Variants in CRYAB observed in about 807,000 individuals in gnomAD.
The protein encoded by CRYAB is crystallin alpha B, also known as alpha-crystallin B chain.
Under a neutral mutation model 12.7 loss-of-function variants are expected in CRYAB, and 9 were observed. That is an observed-to-expected ratio of 0.71 (90% CI 0.43 to 1.24). CRYAB has a LOEUF of 1.24. Ranked by LOEUF, CRYAB falls within the 50% of genes most tolerant of loss-of-function variation. The pLI, the probability that CRYAB is intolerant of heterozygous loss-of-function variation, is 0.00. For missense variants in CRYAB, 183 were observed against 226.6 expected (o/e 0.81, Z 1.24); for synonymous variants, 93 against 86.8 (o/e 1.07, Z -0.40).
upstream of CRYAB, chr11:111,913,728 G>C: frequency 6.2e-7 from 1 of 1,613,992 alleles, no homozygotes; most frequent in Non-Finnish European, 8.5e-7. Context: ...TGCTGATGTC[G>C]ACCCCTGGCG....
intron 1 of CRYAB, among the ~76,000 whole-genome samples, chr11:111,920,080 A>C (rs1210494262): frequency 4.6e-5 from 7 of 152,062 alleles, no homozygotes; most frequent in Non-Finnish European, 1.0e-4. Context: ...CTGTAGTCCC[A>C]GCTACTCGGG....
In CRYAB at chr11:111,911,623, C is replaced by A. The variant is rs886047688; in HGVS notation, c.102G>T (p.Glu34Asp). 6 of 1,612,626 alleles carry A rather than the reference C, an allele frequency of 3.7e-6. No homozygotes were observed. The highest frequency in any genetic ancestry group is 5.1e-6 in the Non-Finnish European group (6 of 1,179,550). The change falls in exon 1 of 3, where the codon GAG becomes GAT. Residue 34 changes from glutamate to aspartate, a missense_variant. Transcript: ENST00000650687. The part of the protein sequence containing the change: ...FDQFFGEHLL[E>D]SDLFPTSTSL... ...AAGTAGACGTCGGGAAAAGATCAGA[C>A]TCCAACAGGTGCTCTCCGAAGAACT...
intron 1 of CRYAB, chr11:111,918,889 C>T (rs1356249565): frequency 3.3e-6 from 5 of 1,532,998 alleles, no homozygotes; most frequent in African/African-American, 2.7e-5. Context: ...CGGGAGCTGC[C>T]GCGGAAAGCT....
chr11:111,912,548 C>T (rs966218425), upstream of CRYAB: 1 of 508,612 alleles, frequency 2.0e-6, no homozygotes, highest in Non-Finnish European at 3.6e-6. Context: ...CAGCTCGTTC[C>T]CAGCCAGGAC....
chr11:111,913,840 T>C, upstream of CRYAB: 1 of 1,613,852 alleles, frequency 6.2e-7, no homozygotes, highest in Non-Finnish European at 8.5e-7. Context: ...ATCTCCCTGC[T>C]CCCTGCGCCT....
upstream of CRYAB, chr11:111,913,382 G>A (rs1477429570): frequency 2.2e-5 from 29 of 1,329,062 alleles, no homozygotes; most frequent in Non-Finnish European, 2.0e-5. Context: ...TTCCCATTTC[G>A]CCCCTGTGCC....
intron 2 of CRYAB, chr11:111,909,324 C>A (rs1965378918): frequency 2.2e-6 from 1 of 452,528 alleles, no homozygotes; most frequent in Admixed American, 2.4e-5. Context: ...TGAAATTGTC[C>A]TGACTCTTCA....
At chr11:111,910,935 T>A in intron 1 of CRYAB, 1 of 255,978 alleles carries the variant, frequency 3.9e-6, no homozygotes, top group South Asian at 5.1e-5. Flanking sequence ...GAGTGTTATC[T>A]GTGACAGCTC....
upstream of CRYAB, chr11:111,913,466 CCCCACA>C (rs782033193): frequency 2.5e-6 from 4 of 1,611,124 alleles, no homozygotes; most frequent in South Asian, 4.4e-5. Flanking sequence ...AGATCCTGAC[CCCCACA>C]CTCTACCATG....
Position 111,911,693 on chromosome 11 carries a change from C to T in CRYAB, c.32G>A (p.Arg11His), listed in dbSNP as rs782809283. The change falls in exon 1 of 3, where the codon CGC (arginine) becomes CAC (histidine). Residue 11 changes from arginine to histidine, a missense_variant. Around this residue, in one of 3 missense-constraint regions of CRYAB, gnomAD observed 86 missense variants for 96.1 expected, o/e 0.89. Coordinates refer to ENST00000650687, the MANE Select transcript of CRYAB (RefSeq NM_001289808.2). ...GGAGTGGAAAGGAAAGAAGGGGCGG[C>T]GGATCCAGGGGTGGTGGATGGCGAT... MDIAIHHPWI[R>H]RPFFPFHSPS... The T allele has an allele frequency of 2.4e-5, 39 of 1,598,882 alleles. No homozygotes were observed. The highest frequency in any genetic ancestry group is 4.5e-5 in the East Asian group (2 of 44,446).
At chr11:111,919,977 C>T (rs1965663403) in intron 1 of CRYAB, among the ~76,000 whole-genome samples, 3 of 152,054 alleles carry the variant, frequency 2.0e-5, no homozygotes, top group African/African-American at 7.2e-5. Context: ...GGGTGGATCA[C>T]GAGGTCAGGA....
At chr11:111,910,150 A>C in intron 2 of CRYAB, 177 bp downstream of exon 2, 1 of 789,850 alleles carries the variant, frequency 1.3e-6, no homozygotes, top group Non-Finnish European at 2.2e-6. Flanking sequence ...CATAATAGTA[A>C]CAACAGCAAT....
At chr11:111,921,708 T>C (rs1715526645) in intron 1 of CRYAB, among the ~76,000 whole-genome samples, 1 of 152,224 alleles carries the variant, frequency 6.6e-6, no homozygotes, top group South Asian at 2.1e-4. Context: ...TCTCTGATGG[T>C]GATAGTCATT....
At chr11:111,918,737 T>A in intron 1 of CRYAB, 1 of 682,690 alleles carries the variant, frequency 1.5e-6, no homozygotes, top group Non-Finnish European at 2.7e-6. Flanking sequence ...ACGCTTCAAA[T>A]CCTGAAGTTG....
intron 1 of CRYAB, 180 bp from the exon 2 acceptor site, chr11:111,910,629 G>A: frequency 1.3e-6 from 1 of 752,538 alleles, no homozygotes; most frequent in Non-Finnish European, 2.2e-6. Context: ...CCACCACAGT[G>A]ATACCTAAGG....
chr11:111,911,089 A>C (rs1555165497), intron 1 of CRYAB, among the ~76,000 whole-genome samples: 1 of 152,166 alleles, frequency 6.6e-6, no homozygotes, highest in East Asian at 1.9e-4. Context: ...AGAAGAGGGA[A>C]TAGAAAGGCA....
chr11:111,909,945 T>TTTAATTGGTCTGGA (rs1965400019), intron 2 of CRYAB: 1 of 568,152 alleles, frequency 1.8e-6, no homozygotes, highest in Admixed American at 3.1e-5. Flanking sequence ...AAAATGCTGA[T>TTTAATTGGTCTGGA]TTAATTGGTC....
chr11:111,920,095 TGA>T (rs1309892455), intron 1 of CRYAB, among the ~76,000 whole-genome samples: 15 of 151,988 alleles, frequency 9.9e-5, no homozygotes, highest in Non-Finnish European at 2.1e-4. Flanking sequence ...CTCGGGAGGC[TGA>T]GTCAGGAGAA....
upstream of CRYAB, among the ~76,000 whole-genome samples, chr11:111,916,474 C>T (rs587712433): frequency 5.1e-4 from 78 of 152,310 alleles, no homozygotes; most frequent in African/African-American, 1.3e-3. Context: ...CTGCCCACCT[C>T]GGCCTCCCAA....
Sources: allele counts gnomAD v4.1 joint callset (sites outside exome capture counted in the v4.1 genomes callset), GRCh38; gene constraint gnomAD v4.1.1; regional missense constraint gnomAD v4.1.1; transcripts MANE v1.5; gene names NCBI Gene and HGNC (gene_info 2026-07-23, HGNC 2026-07-21).